Variants in SH3BP2 observed in about 807,000 individuals in gnomAD.
The protein encoded by SH3BP2 is SH3 domain-binding protein 2.
In SH3BP2, 38 loss-of-function variants were observed where a neutral mutation model predicts 56.2. The ratio of observed to expected loss-of-function variants is 0.68; its 90% CI spans 0.52 to 0.89. SH3BP2 has a LOEUF of 0.89. SH3BP2 is among the 40% of genes least tolerant of loss of function. The pLI is 0.00. For missense variants in SH3BP2, 748 were observed against 762.6 expected, an observed-to-expected ratio of 0.98 and a Z score of 0.23; for synonymous variants, 346 against 316.7, an observed-to-expected ratio of 1.09 and a Z score of -0.98.
rs1190818977 is a variant in SH3BP2 at position 2,829,966 on chromosome 4, G to T, written c.1060G>T (p.Ala354Ser). The T allele has an allele frequency of 6.2e-7, 1 of 1,613,440 alleles. No homozygotes were observed. The highest frequency in any genetic ancestry group is 8.5e-7 in the Non-Finnish European group (1 of 1,179,984). Residue 354 changes from alanine (A) to serine (S), a missense_variant, in exon 8 of 13, where the codon GCC (alanine) becomes TCC (serine). Physicochemically the swap from Ala to Ser is moderately conservative, Grantham distance 99 (BLOSUM62 1). Around this residue, in one of 3 missense-constraint regions of SH3BP2, gnomAD observed 635 missense variants for 615.0 expected, o/e 1.03. Coordinates refer to ENST00000503393, the MANE Select transcript of SH3BP2 (RefSeq NM_001122681.2). The surrounding 1 kb of genome is among the most constrained non-coding windows in gnomAD (Gnocchi z 4.9). ...CACATCTGAGCCCCCACCTGTGCCA[G>T]CCAACAAGCCCAAGTTCCTGAAGAT... ...PPTSEPPPVP[A>S]NKPKFLKIAE... is the part of the protein sequence containing the mutation.
intron 1 of SH3BP2, among the ~76,000 whole-genome samples, chr4:2,794,909 C>A (rs1037948756): frequency 2.6e-5 from 4 of 152,214 alleles, no homozygotes; most frequent in African/African-American, 9.6e-5. Context: ...GATGGCCAGC[C>A]TTGGTTCCTG....
At position 2,838,170 on chromosome 4, in the gene SH3BP2, A is replaced by G. The variant is rs1214559854; in HGVS notation, c.*4336A>G. The G allele has an allele frequency of 1.3e-5, 2 of 152,360 alleles. No individual in the cohort carries two copies. The highest frequency in any genetic ancestry group is 2.9e-5 in the Non-Finnish European group (2 of 68,042). The allele number at this position is 152,360 out of a possible 1,614,324, so 9.4% of individuals were successfully genotyped here. A position where few individuals can be genotyped will look rare whatever the true frequency, so the allele number is the denominator to read the frequency against. Reference sequence around the variant, plus strand: ...AGAAAAGTGAATAAAACATAAATGCACAACCTAACACACTGTTAGGAAGTG... The same window carrying G: ...AGAAAAGTGAATAAAACATAAATGCGCAACCTAACACACTGTTAGGAAGTG... On this transcript the variant is annotated 3_prime_UTR_variant, in exon 13 of 13. Transcript: ENST00000503393.
In SH3BP2 at chr4:2,802,217, A is replaced by G. The variant is rs562096974; in HGVS notation, c.-5+9079A>G. 1.7e-3 allele frequency among the ~76,000 whole-genome samples: 262 copies of G among 152,226 alleles called. 3 individuals are homozygous for G. Among genetic ancestry groups the G allele is most frequent in the African/African-American group, 6.0e-3 (249 of 41,524 alleles). Reference sequence around the variant, plus strand: ...AGTTCAAGACCAGCCTGGCCAACATAGTGAAACCCTGTCTCTACTAAAAAT... The same window carrying G: ...AGTTCAAGACCAGCCTGGCCAACATGGTGAAACCCTGTCTCTACTAAAAAT... On this transcript the variant is annotated intron_variant, in intron 1 of 12. Coordinates refer to ENST00000503393, the MANE Select transcript of SH3BP2 (RefSeq NM_001122681.2).
chr4:2,793,665 C>T (rs1722970288), intron 1 of SH3BP2: 1 of 152,164 alleles, frequency 6.6e-6, no homozygotes, highest in Admixed American at 6.5e-5. Flanking sequence ...CACTCGCTCT[C>T]CGCCCTTCCC....
At chr4:2,797,745 G>A (rs191813725) in intron 1 of SH3BP2, among the ~76,000 whole-genome samples, 374 of 152,294 alleles carry the variant, frequency 2.5e-3, no homozygotes, top group Middle Eastern at 0.01. Flanking sequence ...GGTCAGGGTC[G>A]CGTCTGAGAG....
chr4:2,813,189 G>C (rs1002885746), intron 1 of SH3BP2, among the ~76,000 whole-genome samples: 1 of 152,250 alleles, frequency 6.6e-6, no homozygotes, highest in Admixed American at 6.5e-5. Flanking sequence ...AGGCAGGGCA[G>C]CCAGGGCTCC....
chr4:2,822,835 C>T lies in SH3BP2; in HGVS notation c.137-100C>T, dbSNP rs571230400. 66 of 848,166 alleles carry T rather than the reference C, an allele frequency of 7.8e-5. No individual in the cohort carries two copies. In the South Asian group the frequency reaches 9.0e-4, roughly 12 times the overall value. The allele number at this position is 848,166 out of a possible 1,614,324, so 52.5% of individuals were successfully genotyped here. ...TCTTCCATTTGGTAAGGCTTAGAGG[C>T]AGGAGGCCTGGCCCCAAGTTGTCCT... On this transcript the variant is annotated intron_variant, in intron 2 of 12. Transcript: ENST00000503393.
rs754756828 is a variant in SH3BP2, at chr4:2,831,695, A to C, written c.1350+16A>C. On this transcript the variant is annotated intron_variant, in intron 9 of 12. Coordinates refer to ENST00000503393, the MANE Select transcript of SH3BP2 (RefSeq NM_001122681.2). The surrounding 1 kb of genome is among the most constrained non-coding windows in gnomAD (Gnocchi z 4.1). ...CTATGAGAAGGCAAGGCTGAGCGGCAAGCCTGGGTCCCAGTGGCCAGTAGG... is the reference window on the plus strand; with the variant it reads ...CTATGAGAAGGCAAGGCTGAGCGGCCAGCCTGGGTCCCAGTGGCCAGTAGG... The C allele has an allele frequency of 1.3e-6, 2 of 1,572,846 alleles. No individual in the cohort carries two copies. Among genetic ancestry groups the C allele is most frequent in the African/African-American group, 1.4e-5 (1 of 73,920 alleles).
chr4:2,794,669 C>A (rs748748559), intron 1 of SH3BP2, among the ~76,000 whole-genome samples: 3 of 152,230 alleles, frequency 2.0e-5, no homozygotes, highest in Non-Finnish European at 4.4e-5. Flanking sequence ...TGACAGGGGA[C>A]CTGGCCTTTC....
chr4:2,821,807 A>T (rs1455105122), intron 2 of SH3BP2, among the ~76,000 whole-genome samples: 3 of 152,078 alleles, frequency 2.0e-5, no homozygotes, highest in African/African-American at 7.2e-5. Context: ...GGTCTCCCAA[A>T]GTGCTGGGAT....
chr4:2,799,242 C>G lies in SH3BP2; in HGVS notation c.-5+6104C>G, dbSNP rs79614546. 196 of 985,474 alleles carry G rather than the reference C, an allele frequency of 2.0e-4. 1 individual carries two copies. The African/African-American group carries it at 2.4e-3, about 12-fold the overall frequency. 61.0% of individuals were successfully genotyped at this position (985,474 alleles called of 1,614,324 possible). ...TGGAATCTCTGAAATGCCTTCCCCT[C>G]GGGACCCTCACCGCGACTGGACTTC... is the stretch of plus-strand genomic sequence containing the variant. On this transcript the variant is annotated intron_variant, in intron 1 of 12. Coordinates refer to ENST00000503393, the MANE Select transcript of SH3BP2 (RefSeq NM_001122681.2).
At chr4:2,826,754 T>C (rs921379430) in intron 5 of SH3BP2, 1 of 368,642 alleles carries the variant, frequency 2.7e-6, no homozygotes, top group African/African-American at 2.1e-5. Flanking sequence ...GTGTTGCTTG[T>C]GTTTGTGTGT....
At chr4:2,827,008 A>G (rs756034499) in intron 5 of SH3BP2, 1 of 675,702 alleles carries the variant, frequency 1.5e-6, no homozygotes. Flanking sequence ...TGTGTCTGTC[A>G]GCGTATCCAT....
Position 2,821,891 on chromosome 4 carries a change from G to A in SH3BP2, c.137-1044G>A, listed in dbSNP as rs1315205509. Among the ~76,000 whole-genome samples, 7 of 149,850 alleles carry A rather than the reference G, an allele frequency of 4.7e-5. 1 individual carries two copies. The South Asian group carries it at 1.5e-3, about 32-fold the overall frequency. ...TTTTATTTATTTATTTTTTTGAGATGGAGTCTTGCTCTGTTGCCCAGGCTG... is the reference window on the plus strand; with the variant it reads ...TTTTATTTATTTATTTTTTTGAGATAGAGTCTTGCTCTGTTGCCCAGGCTG... On this transcript the variant is annotated intron_variant, in intron 2 of 12. Coordinates refer to ENST00000503393, the MANE Select transcript of SH3BP2 (RefSeq NM_001122681.2).
Position 2,839,485 on chromosome 4 carries a change from C to A in SH3BP2, c.*5651C>A, listed in dbSNP as rs1314176538. On this transcript the variant is annotated 3_prime_UTR_variant, in exon 13 of 13. Coordinates refer to ENST00000503393, the MANE Select transcript of SH3BP2 (RefSeq NM_001122681.2). ...ATTTTTTCTTATTAATCTAATAATT[C>A]TTTGTATAGTCTTGATATTATCCAT... 6.6e-6 allele frequency: 1 copy of A among 152,048 alleles called. No individual in the cohort carries two copies. The highest frequency in any genetic ancestry group is 1.5e-5 in the Non-Finnish European group (1 of 68,016). 9.4% of individuals were successfully genotyped at this position (152,048 alleles called of 1,614,324 possible).
At chr4:2,823,543 G>A (rs1453972119) in intron 3 of SH3BP2, 1 of 455,952 alleles carries the variant, frequency 2.2e-6, no homozygotes, top group African/African-American at 2.0e-5. Flanking sequence ...GCCATGAGCT[G>A]CCCTGGAGGG....
At chr4:2,794,383 G>C (rs1439833993) in intron 1 of SH3BP2, 1 of 152,134 alleles carries the variant, frequency 6.6e-6, no homozygotes, top group Admixed American at 6.5e-5. Flanking sequence ...TCTGTCCACT[G>C]TCTCCTCTAC....
chr4:2,831,730 G>A lies in SH3BP2; in HGVS notation c.1350+51G>A. 6.7e-7 allele frequency: 1 copy of A among 1,491,124 alleles called. No individual in the cohort carries two copies. The highest frequency in any genetic ancestry group is 9.2e-7 in the Non-Finnish European group (1 of 1,087,024). The allele number at this position is 1,491,124 out of a possible 1,614,324, so 92.4% of individuals were successfully genotyped here. On this transcript the variant is annotated intron_variant, in intron 9 of 12. Coordinates refer to ENST00000503393, the MANE Select transcript of SH3BP2 (RefSeq NM_001122681.2). The surrounding 1 kb of genome is among the most constrained non-coding windows in gnomAD (Gnocchi z 4.1). The stretch of plus-strand genomic sequence containing the variant: ...CCCAGTGGCCAGTAGGTGGACAGGT[G>A]GTGGGAAAGCCATAGGCCAGGGCGG...
chr4:2,824,584 G>T (rs760447066), intron 3 of SH3BP2, 29 bp from the exon 4 acceptor site: 6 of 1,563,052 alleles, frequency 3.8e-6, no homozygotes, highest in Non-Finnish European at 5.3e-6. Context: ...CTGTGAACCA[G>T]GCCGTGACCC....
Sources: gnomAD v4.1 joint callset for allele counts (sites outside exome capture counted in the v4.1 genomes callset) on GRCh38, gnomAD v4.1.1 for gene constraint, gnomAD v4.1.1 regional missense constraint, Gnocchi (gnomAD v3.1) non-coding constraint, MANE v1.5 for transcripts, NCBI Gene and HGNC (gene_info 2026-07-23, HGNC 2026-07-21) for gene names.